Variants in OSTF1 observed in about 807,000 individuals in gnomAD.
OSTF1 encodes osteoclast stimulating factor 1.
A neutral mutation model predicts 37.2 loss-of-function variants in OSTF1; 27 were observed. The ratio of observed to expected loss-of-function variants is 0.73; its 90% CI spans 0.54 to 1.00. The LOEUF is 1.00. Ranked by LOEUF, OSTF1 falls within the 50% of genes least tolerant of loss-of-function variation. OSTF1 has a pLI of 0.00. For synonymous variants in OSTF1, 82 were observed against 89.2 expected, an observed-to-expected ratio of 0.92 and a Z score of 0.46; for missense variants, 232 against 253.8, an observed-to-expected ratio of 0.91 and a Z score of 0.58.
chr9:75,090,927 CT>C (rs1402331158), intron 1 of OSTF1, among the ~76,000 whole-genome samples: 6 of 152,180 alleles, frequency 3.9e-5, no homozygotes, highest in African/African-American at 1.2e-4. Flanking sequence ...TCTCAACAAT[CT>C]TATGAGATCA....
intron 1 of OSTF1, among the ~76,000 whole-genome samples, chr9:75,108,136 G>A (rs1825322697): frequency 6.6e-6 from 1 of 151,960 alleles, no homozygotes; most frequent in African/African-American, 2.4e-5. Flanking sequence ...GAGGCAGGAG[G>A]ATCTCTTGAG....
intron 1 of OSTF1, among the ~76,000 whole-genome samples, chr9:75,109,966 C>T (rs1825355749): frequency 6.6e-6 from 1 of 152,126 alleles, no homozygotes; most frequent in African/African-American, 2.4e-5. Context: ...ACAGAGATTT[C>T]TCATATACCC....
At chr9:75,143,039 A>G (rs911972487) in intron 9 of OSTF1, among the ~76,000 whole-genome samples, 1 of 151,696 alleles carries the variant, frequency 6.6e-6, no homozygotes, top group Non-Finnish European at 1.5e-5. Context: ...TCCCGGGCTC[A>G]AGTGATTCTC....
Position 75,137,751 on chromosome 9 carries a change from A to C in OSTF1, c.487+135A>C, listed in dbSNP as rs557614684. The C allele has an allele frequency of 9.8e-5, 61 of 622,036 alleles. No individual in the cohort carries two copies. In the African/African-American group the frequency reaches 1.0e-3, roughly 10 times the overall value. The allele number at this position is 622,036 out of a possible 1,614,324, so 38.5% of individuals were successfully genotyped here. On this transcript the variant is annotated intron_variant, in intron 8 of 9. Coordinates refer to ENST00000346234, the MANE Select transcript of OSTF1 (RefSeq NM_012383.5). Reference sequence around the variant, plus strand: ...GGTTTAACCTTTGCTCTGCCTGTGTATCATGGAATAGTTATGATAAAATAA... The same window carrying C: ...GGTTTAACCTTTGCTCTGCCTGTGTCTCATGGAATAGTTATGATAAAATAA...
intron 1 of OSTF1, among the ~76,000 whole-genome samples, chr9:75,103,487 A>G (rs991685071): frequency 6.6e-6 from 1 of 152,210 alleles, no homozygotes; most frequent in Non-Finnish European, 1.5e-5. Flanking sequence ...GTTTCTTTCC[A>G]GTTTTTCTTC....
intron 1 of OSTF1, among the ~76,000 whole-genome samples, chr9:75,099,541 G>C (rs1034769810): frequency 6.6e-6 from 1 of 151,798 alleles, no homozygotes; most frequent in Non-Finnish European, 1.5e-5. Context: ...AAAGTGTTGG[G>C]ATTGGGCTGG....
chr9:75,117,495 CT>C lies in OSTF1; in HGVS notation c.35-3del. The C allele has an allele frequency of 1.2e-6, 2 of 1,605,614 alleles. No individual in the cohort carries two copies. Among genetic ancestry groups the C allele is most frequent in the Non-Finnish European group, 1.7e-6 (2 of 1,174,188 alleles). On this transcript the variant is annotated splice_region_variant and splice_polypyrimidine_tract_variant and intron_variant, in intron 1 of 9. Transcript: ENST00000346234. The stretch of plus-strand genomic sequence containing the variant: ...AAAATTCAGTTGTTGTTTTTTCTTC[CT>C]TTTTTAGGGCAAGTTAAAGTCTTCA...
At chr9:75,105,279 A>T (rs1481277902) in intron 1 of OSTF1, among the ~76,000 whole-genome samples, 1 of 152,136 alleles carries the variant, frequency 6.6e-6, no homozygotes, top group Non-Finnish European at 1.5e-5. Context: ...CAAAAAGAGG[A>T]CTACAAGGTA....
intron 1 of OSTF1, among the ~76,000 whole-genome samples, chr9:75,095,795 T>TTAA (rs1192532069): frequency 6.6e-6 from 1 of 152,248 alleles, no homozygotes. Flanking sequence ...TTTCTCAGTG[T>TTAA]TAACAGTTGC....
At chr9:75,128,765 G>C (rs1825717542) in intron 3 of OSTF1, among the ~76,000 whole-genome samples, 1 of 150,862 alleles carries the variant, frequency 6.6e-6, no homozygotes, top group Non-Finnish European at 1.5e-5. Context: ...CGGTGATGTT[G>C]CTAACGGATT....
At chr9:75,108,305 T>C (rs1344208992) in intron 1 of OSTF1, among the ~76,000 whole-genome samples, 1 of 151,028 alleles carries the variant, frequency 6.6e-6, no homozygotes, top group Non-Finnish European at 1.5e-5. Flanking sequence ...AAGTAATTTC[T>C]CTAAATGTAA....
chr9:75,133,385 C>T lies in OSTF1; in HGVS notation c.342C>T (p.Cys114=). 1.3e-6 allele frequency: 2 copies of T among 1,596,850 alleles called. No individual in the cohort carries two copies. The highest frequency in any genetic ancestry group is 1.7e-5 in the Admixed American group (1 of 59,732). ...KAGSTALYWA[C]HGGHKDIVEM... ...GAAGCACTGCCTTATACTGGGCTTG[C>T]CACGGGGGCCACAAAGGTATTACAT... The change falls in exon 6 of 10, where the codon TGC becomes TGT. Residue 114 remains cysteine, a synonymous_variant. Transcript: ENST00000346234.
At chr9:75,128,975 AG>A (rs1184810688) in intron 3 of OSTF1, among the ~76,000 whole-genome samples, 2 of 152,142 alleles carry the variant, frequency 1.3e-5, no homozygotes, top group East Asian at 3.9e-4. Flanking sequence ...TGAAATGTAC[AG>A]GCTTCTTTGA....
intron 9 of OSTF1, among the ~76,000 whole-genome samples, chr9:75,141,719 G>A (rs1391233555): frequency 6.6e-6 from 1 of 151,998 alleles, no homozygotes; most frequent in Non-Finnish European, 1.5e-5. Flanking sequence ...TAGTATTATG[G>A]GTGGTTTTTT....
chr9:75,126,529 A>G (rs187666995), intron 2 of OSTF1, among the ~76,000 whole-genome samples: 6 of 152,342 alleles, frequency 3.9e-5, no homozygotes, highest in Admixed American at 3.9e-4. Flanking sequence ...ACTGATGGTC[A>G]AAAGATGTTT....
chr9:75,127,699 A>G, intron 3 of OSTF1, 80 bp downstream of exon 3: 2 of 769,896 alleles, frequency 2.6e-6, no homozygotes. Flanking sequence ...ATTTAAATAT[A>G]TATGTACATA....
chr9:75,146,239 A>G (rs1826022215), intron 9 of OSTF1, among the ~76,000 whole-genome samples: 1 of 152,208 alleles, frequency 6.6e-6, no homozygotes, highest in Non-Finnish European at 1.5e-5. Context: ...CTACATTGAA[A>G]TGGAAGCTTC....
chr9:75,099,625 C>T lies in OSTF1; in HGVS notation c.34+10899C>T, dbSNP rs569839721. 5.3e-5 allele frequency among the ~76,000 whole-genome samples: 8 copies of T among 152,124 alleles called. 1 individual carries two copies. In the South Asian group the frequency reaches 1.5e-3, roughly 28 times the overall value. ...GGTGGATCACCTTAGGTCAGGAGTT[C>T]GAGACCAGTCTGGCCAACATAGTGA... On this transcript the variant is annotated intron_variant, in intron 1 of 9. Transcript: ENST00000346234.
At chr9:75,123,221 A>G (rs1188365800) in intron 2 of OSTF1, among the ~76,000 whole-genome samples, 1 of 152,210 alleles carries the variant, frequency 6.6e-6, no homozygotes, top group South Asian at 2.1e-4. Flanking sequence ...GGAGATCGAG[A>G]CCATCCTGGC....
Sources: gnomAD v4.1 joint callset for allele counts (sites outside exome capture counted in the v4.1 genomes callset) on GRCh38, gnomAD v4.1.1 for gene constraint, MANE v1.5 for transcripts, NCBI Gene and HGNC (gene_info 2026-07-23, HGNC 2026-07-21) for gene names.